CACNA1C: variants seen among roughly 807,000 people sequenced by gnomAD.
CACNA1C encodes voltage-dependent L-type calcium channel subunit alpha-1C.
A neutral mutation model predicts 229.0 loss-of-function variants in CACNA1C; 30 were observed. The observed-to-expected ratio is 0.13, with a 90% CI of 0.10 to 0.18. The LOEUF (loss-of-function observed/expected upper bound fraction) is 0.18, where lower values mean the gene tolerates loss of function less well. CACNA1C is among the 10% of genes least tolerant of loss of function. The pLI is 1.00. For synonymous variants in CACNA1C, 1,114 were observed against 1,132.5 expected, an observed-to-expected ratio of 0.98 and a Z score of 0.33; for missense variants, 1,658 against 2,845.0, an observed-to-expected ratio of 0.58 and a Z score of 9.49.
Position 2,147,157 on chromosome 12 carries a change from TGA to T in CACNA1C, c.477+26733_477+26734del, listed in dbSNP as rs1464248764. On this transcript the variant is annotated intron_variant, in intron 3 of 46. Transcript: ENST00000399655. ...AGGGAAATTACAGCAAACGAATCACTGAGAGAGGGGGGGAACCTCCAAAATGT... is the reference window on the plus strand; with the variant it reads ...AGGGAAATTACAGCAAACGAATCACTGAGAGGGGGGGAACCTCCAAAATGT... Among the ~76,000 whole-genome samples the T allele has an allele frequency of 2.6e-5, 4 of 151,284 alleles. 1 individual carries two copies. Among genetic ancestry groups the T allele is most frequent in the Admixed American group, 6.6e-5 (1 of 15,050 alleles).
intron 1 of CACNA1C, among the ~76,000 whole-genome samples, chr12:2,041,914 C>T (rs947557717): frequency 1.3e-5 from 2 of 152,160 alleles, no homozygotes; most frequent in African/African-American, 4.8e-5. Flanking sequence ...CAGATCCCCC[C>T]AAAAGAGTTG....
At chr12:2,091,703 G>A (rs1246633698) in intron 1 of CACNA1C, among the ~76,000 whole-genome samples, 2 of 152,224 alleles carry the variant, frequency 1.3e-5, no homozygotes, top group African/African-American at 2.4e-5. Flanking sequence ...CAGGGATGAG[G>A]ACAAGGACGT....
intron 9 of CACNA1C, among the ~76,000 whole-genome samples, chr12:2,521,116 G>A (rs1434423775): frequency 6.6e-6 from 1 of 152,232 alleles, no homozygotes; most frequent in Non-Finnish European, 1.5e-5. Flanking sequence ...TTATGGTGGA[G>A]AATATTGTCA....
intron 3 of CACNA1C, among the ~76,000 whole-genome samples, chr12:2,265,738 G>A (rs1172234016): frequency 6.6e-6 from 1 of 152,230 alleles, no homozygotes; most frequent in Non-Finnish European, 1.5e-5. Context: ...GGGGGCTCCA[G>A]TGTGCTCCAC....
chr12:2,581,899 C>T lies in CACNA1C; in HGVS notation c.2103+102C>T, dbSNP rs1320142266. On this transcript the variant is annotated intron_variant, in intron 14 of 46. Coordinates refer to ENST00000399655, the MANE Select transcript of CACNA1C (RefSeq NM_000719.7). Reference sequence around the variant, plus strand: ...CACCCTTTTACCGGGCAGCCACAGCCATCCTAGATCAGCCCTGGAGAGCCC... The same window carrying T: ...CACCCTTTTACCGGGCAGCCACAGCTATCCTAGATCAGCCCTGGAGAGCCC... 21 of 701,494 alleles carry T rather than the reference C, an allele frequency of 3.0e-5. 1 individual carries two copies. The highest frequency in any genetic ancestry group is 3.8e-5 in the Non-Finnish European group (15 of 399,260). 43.5% of individuals were successfully genotyped at this position (701,494 alleles called of 1,614,324 possible).
At chr12:2,036,871 T>G (rs2049241105) in intron 1 of CACNA1C, among the ~76,000 whole-genome samples, 1 of 152,184 alleles carries the variant, frequency 6.6e-6, no homozygotes, top group Admixed American at 6.5e-5. Flanking sequence ...ACAGAGTAGC[T>G]GCTTAGTCTT....
At chr12:2,295,281 A>C (rs1352988786) in intron 3 of CACNA1C, among the ~76,000 whole-genome samples, 3 of 152,082 alleles carry the variant, frequency 2.0e-5, no homozygotes, top group Non-Finnish European at 4.4e-5. Context: ...TTTCTTATTC[A>C]TGTCATGCCG....
chr12:2,246,173 G>A (rs574725612), intron 3 of CACNA1C, among the ~76,000 whole-genome samples: 1 of 152,302 alleles, frequency 6.6e-6, no homozygotes, highest in Admixed American at 6.5e-5. Flanking sequence ...CACAGGGCAT[G>A]GCGTGGGGAC....
At chr12:2,458,981 CTTTTT>C (rs71057826) in intron 5 of CACNA1C, among the ~76,000 whole-genome samples, 1 of 105,598 alleles carries the variant, frequency 9.5e-6, no homozygotes. Flanking sequence ...CTTTTTCTTT[CTTTTT>C]TTTTTTTTTT....
At chr12:2,497,795 A>T (rs2099749833) in intron 7 of CACNA1C, among the ~76,000 whole-genome samples, 1 of 152,198 alleles carries the variant, frequency 6.6e-6, no homozygotes, top group African/African-American at 2.4e-5. Flanking sequence ...ATTTTTTTAG[A>T]GTCACAAATA....
intron 10 of CACNA1C, among the ~76,000 whole-genome samples, chr12:2,553,242 G>A (rs950447897): frequency 1.6e-4 from 25 of 152,176 alleles, no homozygotes; most frequent in Admixed American, 4.6e-4. Context: ...GTGGGGGGCG[G>A]AAACCACCTG....
In CACNA1C at chr12:2,691,181, C is replaced by G. The variant is rs2153892722; in HGVS notation, c.6399C>G (p.Val2133=). 6.3e-7 allele frequency: 1 copy of G among 1,581,084 alleles called. No individual in the cohort carries two copies. Reference sequence around the variant, plus strand: ...AGGAGGAGCTCCAGGACAGCAGGGTCTACGTCAGCAGCCTGTAGTGGGCGC... The same window carrying G: ...AGGAGGAGCTCCAGGACAGCAGGGTGTACGTCAGCAGCCTGTAGTGGGCGC... ...PSEEELQDSR[V]YVSSL is the part of the protein sequence containing the mutation. Residue 2133 remains valine (V), a synonymous_variant, in exon 47 of 47, where the codon GTC becomes GTG. Transcript: ENST00000399655.
intron 3 of CACNA1C, among the ~76,000 whole-genome samples, chr12:2,292,727 C>T (rs1188148571): frequency 2.0e-5 from 3 of 152,172 alleles, no homozygotes; most frequent in Non-Finnish European, 4.4e-5. Flanking sequence ...CAGCTTTAGG[C>T]GGCCTGGGGA....
chr12:2,469,258 T>C (rs1411683617), intron 5 of CACNA1C, among the ~76,000 whole-genome samples: 1 of 152,158 alleles, frequency 6.6e-6, no homozygotes, highest in Admixed American at 6.5e-5. Flanking sequence ...GCAGATGATA[T>C]TGATGATGAT....
chr12:2,688,584 T>C lies in CACNA1C; in HGVS notation c.5922T>C (p.Leu1974=), dbSNP rs775794989. The change falls in exon 46 of 47, where the codon CTT becomes CTC. Residue 1974 remains leucine, a synonymous_variant. Transcript: ENST00000399655. ...CACAGCCCGTCCCCACCCTGCGGCTTGAGGGGGTCGAGTCCAGTGAGAAAC... is the reference window on the plus strand; with the variant it reads ...CACAGCCCGTCCCCACCCTGCGGCTCGAGGGGGTCGAGTCCAGTGAGAAAC... ...WPPQPVPTLR[L]EGVESSEKLN... is the part of the protein sequence containing the mutation. 6.2e-7 allele frequency: 1 copy of C among 1,613,776 alleles called. No homozygotes were observed. The highest frequency in any genetic ancestry group is 1.3e-5 in the African/African-American group (1 of 74,918).
At chr12:2,333,039 C>T (rs2154515597) in intron 3 of CACNA1C, among the ~76,000 whole-genome samples, 1 of 152,232 alleles carries the variant, frequency 6.6e-6, no homozygotes, top group East Asian at 1.9e-4. Context: ...GACGAGCAGC[C>T]CCTTGGACAT....
At chr12:2,091,391 T>C (rs577791348) in intron 1 of CACNA1C, among the ~76,000 whole-genome samples, 5 of 152,330 alleles carry the variant, frequency 3.3e-5, no homozygotes, top group South Asian at 2.1e-4. Context: ...TATTATCTTA[T>C]ATTTTTGAAG....
At chr12:2,530,303 G>A (rs1165920272) in intron 9 of CACNA1C, among the ~76,000 whole-genome samples, 1 of 152,234 alleles carries the variant, frequency 6.6e-6, no homozygotes, top group East Asian at 1.9e-4. Flanking sequence ...GATGGAAGGG[G>A]ATGACATTTG....
At chr12:2,267,320 T>C (rs2082763209) in intron 3 of CACNA1C, among the ~76,000 whole-genome samples, 1 of 152,152 alleles carries the variant, frequency 6.6e-6, no homozygotes, top group Non-Finnish European at 1.5e-5. Flanking sequence ...ATAATTATTC[T>C]CCCCAGTTAA....
Sources: allele counts gnomAD v4.1 joint callset (sites outside exome capture counted in the v4.1 genomes callset), GRCh38; gene constraint gnomAD v4.1.1; transcripts MANE v1.5; gene names NCBI Gene and HGNC (gene_info 2026-07-23, HGNC 2026-07-21).